The following DSCAM variants were observed in gnomAD, a reference collection of about 807,000 sequenced individuals.
DSCAM encodes cell adhesion molecule DSCAM.
DSCAM carries 47 observed loss-of-function variants against 217.7 expected under a neutral mutation model. The observed-to-expected ratio is 0.22, with a 90% CI of 0.17 to 0.28. The LOEUF (loss-of-function observed/expected upper bound fraction) is 0.28, where lower values mean the gene tolerates loss of function less well. Among genes scored for constraint, DSCAM ranks in the 10% least tolerant of loss-of-function variants. DSCAM has a pLI of 1.00. For missense variants in DSCAM, 2,080 were observed against 2,618.3 expected (o/e 0.79, Z 4.49); for synonymous variants, 1,056 against 1,015.3 (o/e 1.04, Z -0.76).
Position 40,137,189 on chromosome 21 carries a change from A to G in DSCAM, c.3407-3180T>C, listed in dbSNP as rs567302582. On this transcript the variant is annotated intron_variant, in intron 18 of 32. Coordinates refer to ENST00000400454, the MANE Select transcript of DSCAM (RefSeq NM_001389.5). ...GACTCTGTCTCAAGGAAAAAAAAAAAAAAAAAAAAGCAAACACTTAAAACA... is the reference window on the plus strand; with the variant it reads ...GACTCTGTCTCAAGGAAAAAAAAAAGAAAAAAAAAGCAAACACTTAAAACA... Among the ~76,000 whole-genome samples the G allele has an allele frequency of 1.4e-4, 21 of 150,406 alleles. 1 individual carries two copies. In the East Asian group the frequency reaches 3.7e-3, roughly 27 times the overall value.
intron 30 of DSCAM, among the ~76,000 whole-genome samples, chr21:40,047,513 T>C (rs1456148472): frequency 6.6e-6 from 1 of 152,204 alleles, no homozygotes; most frequent in African/African-American, 2.4e-5. Flanking sequence ...TGAACCCTAA[T>C]TAAGCTTCTG....
chr21:40,456,977 T>C (rs2075768858), intron 3 of DSCAM, among the ~76,000 whole-genome samples: 1 of 152,300 alleles, frequency 6.6e-6, no homozygotes, highest in African/African-American at 2.4e-5. Flanking sequence ...TTGTAAATCA[T>C]GGCAATTTAG....
chr21:40,326,618 G>A (rs192078004), intron 8 of DSCAM, among the ~76,000 whole-genome samples: 133 of 152,310 alleles, frequency 8.7e-4, no homozygotes, highest in Admixed American at 2.7e-3. Context: ...AGCTAGAGAA[G>A]GCATATTTGT....
chr21:40,610,333 C>A (rs762675234), intron 3 of DSCAM, among the ~76,000 whole-genome samples: 1 of 152,296 alleles, frequency 6.6e-6, no homozygotes, highest in South Asian at 2.1e-4. Context: ...TTGTGTCCTA[C>A]CTTTGGTTTG....
intron 11 of DSCAM, among the ~76,000 whole-genome samples, chr21:40,263,213 A>G (rs552114086): frequency 6.6e-6 from 1 of 152,324 alleles, no homozygotes; most frequent in Non-Finnish European, 1.5e-5. Flanking sequence ...ATGACTCAAT[A>G]TGGTAAAAAG....
chr21:40,724,796 G>A (rs1025785912), intron 1 of DSCAM, among the ~76,000 whole-genome samples: 4 of 152,168 alleles, frequency 2.6e-5, no homozygotes, highest in African/African-American at 9.7e-5. Flanking sequence ...TAGTTTCATT[G>A]ACTAATACAC....
chr21:40,225,136 A>G (rs909844994), intron 11 of DSCAM, among the ~76,000 whole-genome samples: 3 of 152,212 alleles, frequency 2.0e-5, no homozygotes, highest in African/African-American at 7.2e-5. Flanking sequence ...CATGAAAGAC[A>G]CTGCCCATTC....
At chr21:40,094,302 G>C (rs2089649594) in intron 20 of DSCAM, among the ~76,000 whole-genome samples, 1 of 152,172 alleles carries the variant, frequency 6.6e-6, no homozygotes, top group Non-Finnish European at 1.5e-5. Flanking sequence ...CAATCGCAGA[G>C]ATTTTGCAAT....
chr21:40,070,967 A>C (rs1192679644), intron 27 of DSCAM, among the ~76,000 whole-genome samples: 1 of 152,244 alleles, frequency 6.6e-6, no homozygotes, highest in Non-Finnish European at 1.5e-5. Context: ...AAGCATGGTC[A>C]AATGTGACAT....
At chr21:40,257,439 G>A (rs2073387925) in intron 11 of DSCAM, among the ~76,000 whole-genome samples, 1 of 147,508 alleles carries the variant, frequency 6.8e-6, no homozygotes, top group Admixed American at 6.7e-5. Flanking sequence ...TGTGGAAGCT[G>A]CAGATTCAAA....
chr21:40,385,710 G>C (rs1266080920), intron 3 of DSCAM, among the ~76,000 whole-genome samples: 2 of 152,152 alleles, frequency 1.3e-5, no homozygotes, highest in Non-Finnish European at 2.9e-5. Flanking sequence ...GACAGGCTGT[G>C]TGCCACCTGC....
intron 3 of DSCAM, among the ~76,000 whole-genome samples, chr21:40,505,580 A>G (rs1396638779): frequency 6.6e-6 from 1 of 152,244 alleles, no homozygotes; most frequent in African/African-American, 2.4e-5. Flanking sequence ...GGTAAATACT[A>G]TAATGAATGT....
intron 3 of DSCAM, among the ~76,000 whole-genome samples, chr21:40,630,366 T>C (rs760769590): frequency 1.3e-5 from 2 of 152,220 alleles, no homozygotes; most frequent in Admixed American, 6.5e-5. Context: ...ATGTATATTT[T>C]ACCACAACAA....
At chr21:40,473,605 A>G (rs1158746839) in intron 3 of DSCAM, among the ~76,000 whole-genome samples, 2 of 152,206 alleles carry the variant, frequency 1.3e-5, no homozygotes, top group Non-Finnish European at 1.5e-5. Flanking sequence ...TGCATATACA[A>G]CTATTGTCAG....
At chr21:40,286,060 G>C (rs58467354) in intron 10 of DSCAM, among the ~76,000 whole-genome samples, 11,255 of 152,170 alleles carry the variant, frequency 0.074, 1,402 homozygotes, top group African/African-American at 0.26. Context: ...AATGGGCATG[G>C]TGAGAGCACT....
intron 1 of DSCAM, among the ~76,000 whole-genome samples, chr21:40,725,252 AT>A (rs2090942600): frequency 6.6e-6 from 1 of 152,128 alleles, no homozygotes; most frequent in Admixed American, 6.5e-5. Flanking sequence ...CTTTATTTCC[AT>A]GTTAATGAAG....
rs183364373 is a variant in DSCAM at position 40,198,995 on chromosome 21, C to A, written c.2357-9757G>T. The stretch of plus-strand genomic sequence containing the variant: ...CTCTACTGCTTCCAGTAGAAAGAAA[C>A]AGCCCAGGTACCTTGAGCAGGAGGG... On this transcript the variant is annotated intron_variant, in intron 11 of 32. Coordinates refer to ENST00000400454, the MANE Select transcript of DSCAM (RefSeq NM_001389.5). Among the ~76,000 whole-genome samples, 539 of 152,240 alleles carry A rather than the reference C, an allele frequency of 3.5e-3. 2 individuals carry two copies. Among genetic ancestry groups the A allele is most frequent in the Non-Finnish European group, 6.1e-3 (415 of 68,016 alleles).
chr21:40,558,672 T>C (rs1052933253), intron 3 of DSCAM, among the ~76,000 whole-genome samples: 1 of 152,276 alleles, frequency 6.6e-6, no homozygotes, highest in African/African-American at 2.4e-5. Flanking sequence ...AATAAAAATA[T>C]TAGATACACT....
chr21:40,021,482 A>ATTCTT (rs1483289468), intron 32 of DSCAM, among the ~76,000 whole-genome samples: 1 of 152,166 alleles, frequency 6.6e-6, no homozygotes. Context: ...CCCATTTCTC[A>ATTCTT]TTCTTTTCTC....
Sources: allele counts gnomAD v4.1 joint callset (sites outside exome capture counted in the v4.1 genomes callset), GRCh38; gene constraint gnomAD v4.1.1; transcripts MANE v1.5; gene names NCBI Gene and HGNC (gene_info 2026-07-23, HGNC 2026-07-21).